Variants in ATP2B2 observed in about 807,000 individuals in gnomAD.
ATP2B2 encodes plasma membrane calcium-transporting ATPase 2.
Under a neutral mutation model 120.0 loss-of-function variants are expected in ATP2B2, and 15 were observed. That is an observed-to-expected ratio of 0.12 (90% CI 0.08 to 0.19). The LOEUF (loss-of-function observed/expected upper bound fraction) is 0.19. Among genes scored for constraint, ATP2B2 ranks in the 10% least tolerant of loss-of-function variants. The pLI is 1.00. For missense variants in ATP2B2, 1,045 were observed against 1,719.8 expected (o/e 0.61, Z 6.94); for synonymous variants, 694 against 700.3 (o/e 0.99, Z 0.14).
chr3:10,676,713 G>A lies in ATP2B2; in HGVS notation c.-460+31202C>T, dbSNP rs114952104. On this transcript the variant is annotated intron_variant, in intron 1 of 21. Coordinates refer to the ATP2B2 transcript ENST00000646379. ...CCTCCCTAAGGGGGAGAAAATTAAC[G>A]ATTAAGGATATGCACAAAAACCTAC... Among the ~76,000 whole-genome samples, 721 of 152,264 alleles carry A rather than the reference G, an allele frequency of 4.7e-3. 3 individuals carry two copies. Among genetic ancestry groups the A allele is most frequent in the African/African-American group, 0.016 (682 of 41,538 alleles).
At chr3:10,440,132 G>C (rs1464564229) in intron 2 of ATP2B2, among the ~76,000 whole-genome samples, 1 of 114,842 alleles carries the variant, frequency 8.7e-6, no homozygotes, top group African/African-American at 2.8e-5. Flanking sequence ...AAAAAAAAAG[G>C]AGTGTCTCTG....
intron 2 of ATP2B2, chr3:10,566,571 T>G (rs2068014111): frequency 6.6e-6 from 1 of 152,232 alleles, no homozygotes; most frequent in Non-Finnish European, 1.5e-5. Flanking sequence ...GGATCCTACT[T>G]GGGATGAATT....
At chr3:10,349,371 C>T (rs1037638035) in intron 16 of ATP2B2, among the ~76,000 whole-genome samples, 1 of 152,160 alleles carries the variant, frequency 6.6e-6, no homozygotes, top group Non-Finnish European at 1.5e-5. Context: ...AGGAGGATGG[C>T]TTGAGCCTAG....
At chr3:10,331,871 G>T in intron 22 of ATP2B2, 2 of 1,058,412 alleles carry the variant, frequency 1.9e-6, no homozygotes, top group Non-Finnish European at 2.8e-6. Flanking sequence ...AAACGCACAG[G>T]CCCTGGTCTG....
intron 1 of ATP2B2, among the ~76,000 whole-genome samples, chr3:10,483,190 C>A (rs114405955): frequency 0.012 from 1,771 of 152,332 alleles, 37 homozygotes; most frequent in African/African-American, 0.037. Context: ...AGACCCTGCA[C>A]ACACATTGCT....
At position 10,680,008 on chromosome 3, in the gene ATP2B2, T is replaced by G. The variant is rs539788272; in HGVS notation, c.-460+27907A>C. Among the ~76,000 whole-genome samples the G allele has an allele frequency of 2.0e-5, 3 of 152,346 alleles. No individual in the cohort carries two copies. In the East Asian group the frequency reaches 5.8e-4, roughly 29 times the overall value. ...TTCCACGAGGGATCTTTGTCTGTTT[T>G]GGTCATTGCTGGAGCCCCAGCACCT... is the stretch of plus-strand genomic sequence containing the variant. On this transcript the variant is annotated intron_variant, in intron 1 of 21. Coordinates refer to the ATP2B2 transcript ENST00000646379.
chr3:10,612,379 C>G (rs768405150), intron 2 of ATP2B2, among the ~76,000 whole-genome samples: 3 of 152,208 alleles, frequency 2.0e-5, no homozygotes, highest in African/African-American at 7.2e-5. Context: ...CCTCCCCTTC[C>G]TTGGCCTGTA....
In ATP2B2 at chr3:10,692,851, G is replaced by A. The variant is rs189902650; in HGVS notation, c.-460+15064C>T. Among the ~76,000 whole-genome samples the A allele has an allele frequency of 5.6e-3, 684 of 122,396 alleles. 3 individuals are homozygous for A. The highest frequency in any genetic ancestry group is 0.02 in the African/African-American group (640 of 32,472). 80.3% of individuals were successfully genotyped at this position (122,396 alleles called of 152,430 possible). ...CAGAGGAAAATGGGAGCCCACACCC[G>A]CCAGACACTGTGCACTCACTGGGGG... On this transcript the variant is annotated intron_variant, in intron 1 of 21. Coordinates refer to the ATP2B2 transcript ENST00000646379.
At chr3:10,477,915 G>T (rs562688661) in intron 1 of ATP2B2, among the ~76,000 whole-genome samples, 1 of 152,308 alleles carries the variant, frequency 6.6e-6, no homozygotes, top group South Asian at 2.1e-4. Flanking sequence ...TAGTGGAATT[G>T]CTGGATCGTG....
chr3:10,392,913 G>C (rs1405127760), intron 5 of ATP2B2, among the ~76,000 whole-genome samples: 3 of 152,266 alleles, frequency 2.0e-5, no homozygotes, highest in African/African-American at 7.2e-5. Context: ...TCCTGGGTAG[G>C]GTGGACAGCT....
chr3:10,417,359 C>T (rs552534339), intron 2 of ATP2B2, among the ~76,000 whole-genome samples: 159 of 152,176 alleles, frequency 1.0e-3, no homozygotes, highest in African/African-American at 1.9e-4. Context: ...GTGCAGCAGC[C>T]GGGCAGAGGC....
chr3:10,531,814 T>G (rs1316885203), intron 3 of ATP2B2, among the ~76,000 whole-genome samples: 1 of 152,114 alleles, frequency 6.6e-6, no homozygotes, highest in Non-Finnish European at 1.5e-5. Context: ...TCCTAGGCAC[T>G]GAGATGATTA....
intron 3 of ATP2B2, among the ~76,000 whole-genome samples, chr3:10,516,031 A>G (rs561352434): frequency 1.3e-5 from 2 of 152,276 alleles, no homozygotes; most frequent in African/African-American, 2.4e-5. Context: ...GCAGCTTACA[A>G]TCTGCCAAGG....
intron 13 of ATP2B2, 127 bp from the exon 14 acceptor site, chr3:10,359,052 TCCCCCA>T: frequency 3.3e-6 from 3 of 903,074 alleles, no homozygotes; most frequent in Non-Finnish European, 5.1e-6. Context: ...ATCTAGTTCA[TCCCCCA>T]GGCAGGGTGA....
In ATP2B2 at chr3:10,375,421, C is replaced by T; in HGVS notation, c.1416+9G>A. 1 of 1,608,418 alleles carries T rather than the reference C, an allele frequency of 6.2e-7. No homozygotes were observed. Among genetic ancestry groups the T allele is most frequent in the East Asian group, 2.2e-5 (1 of 44,872 alleles). On this transcript the variant is annotated intron_variant, in intron 11 of 22. Coordinates refer to ENST00000360273, the MANE Select transcript of ATP2B2 (RefSeq NM_001001331.4). The surrounding 1 kb of genome is among the most constrained non-coding windows in gnomAD (Gnocchi z 4.2). ...TCAGCCGGCTGGTCCTGCTCTCCTC[C>T]CCTCTCACCTTCACCGAATAGGCCA...
At chr3:10,541,352 G>A (rs1336645534) in intron 2 of ATP2B2, among the ~76,000 whole-genome samples, 3 of 152,052 alleles carry the variant, frequency 2.0e-5, no homozygotes, top group Non-Finnish European at 2.9e-5. Flanking sequence ...TCTCAAAGTA[G>A]GGGCTTAGAT....
intron 2 of ATP2B2, among the ~76,000 whole-genome samples, chr3:10,609,645 C>G (rs59615696): frequency 2.6e-4 from 40 of 152,212 alleles, no homozygotes; most frequent in East Asian, 1.5e-3. Flanking sequence ...GAGGGTTAAC[C>G]CTTTAAGAGC....
intron 2 of ATP2B2, among the ~76,000 whole-genome samples, chr3:10,564,101 T>G (rs1484724433): frequency 1.3e-5 from 2 of 152,224 alleles, no homozygotes; most frequent in African/African-American, 4.8e-5. Context: ...CCATTCTAGG[T>G]CTAGCCTTGG....
chr3:10,418,437 T>C (rs1424295476), intron 2 of ATP2B2, among the ~76,000 whole-genome samples: 1 of 152,206 alleles, frequency 6.6e-6, no homozygotes, highest in Non-Finnish European at 1.5e-5. Context: ...AGTGCTGTAC[T>C]TGAGGGCAGG....
Sources: gnomAD v4.1 joint callset for allele counts (sites outside exome capture counted in the v4.1 genomes callset) on GRCh38, gnomAD v4.1.1 for gene constraint, Gnocchi (gnomAD v3.1) non-coding constraint, MANE v1.5 for transcripts, NCBI Gene and HGNC (gene_info 2026-07-23, HGNC 2026-07-21) for gene names.